IL1RAPL1: variants seen among roughly 807,000 people sequenced by gnomAD.
IL1RAPL1 encodes the protein interleukin 1 receptor accessory protein like 1, also known as interleukin-1 receptor accessory protein-like 1.
IL1RAPL1 carries 3 observed loss-of-function variants against 48.4 expected under a neutral mutation model. That is an observed-to-expected ratio of 0.06 (90% CI 0.03 to 0.16). IL1RAPL1 has a LOEUF of 0.16. IL1RAPL1 is among the 10% of genes least tolerant of loss of function. IL1RAPL1 has a pLI of 1.00. For synonymous variants in IL1RAPL1, 185 were observed against 187.7 expected, an observed-to-expected ratio of 0.99 and a Z score of 0.12; for missense variants, 349 against 530.6, an observed-to-expected ratio of 0.66 and a Z score of 3.36.
chrX:29,199,400 A>G (rs910783836), intron 2 of IL1RAPL1, among the ~76,000 whole-genome samples: 1 of 111,596 alleles, frequency 9.0e-6, no homozygotes, highest in African/African-American at 3.3e-5. Context: ...TTCAAAGTTA[A>G]TAAAAACTAT....
intron 3 of IL1RAPL1, among the ~76,000 whole-genome samples, chrX:29,333,153 G>A (rs1932907378): frequency 9.3e-6 from 1 of 108,042 alleles, no homozygotes; most frequent in African/African-American, 3.3e-5. Context: ...CATCCCCAAT[G>A]AGCCGCTGGG....
intron 5 of IL1RAPL1, among the ~76,000 whole-genome samples, chrX:29,597,278 C>T (rs1305844885): frequency 9.2e-6 from 1 of 108,589 alleles, no homozygotes; most frequent in Non-Finnish European, 1.9e-5. Context: ...CTCAGCCTCC[C>T]GAGTAGCTGG....
intron 6 of IL1RAPL1, among the ~76,000 whole-genome samples, chrX:29,901,377 G>A (rs1932493244): frequency 8.9e-6 from 1 of 111,829 alleles, no homozygotes; most frequent in Admixed American, 9.5e-5. Context: ...ATCAGCCAGG[G>A]TTTGGAGATG....
chrX:29,751,425 T>C (rs1040852300), intron 6 of IL1RAPL1, among the ~76,000 whole-genome samples: 1 of 112,066 alleles, frequency 8.9e-6, no homozygotes, highest in South Asian at 3.6e-4. Context: ...CTGAATATGG[T>C]AGTCATCCTT....
intron 6 of IL1RAPL1, among the ~76,000 whole-genome samples, chrX:29,720,519 C>T (rs1448857754): frequency 7.2e-5 from 8 of 110,992 alleles, no homozygotes; most frequent in African/African-American, 1.3e-4. Context: ...ACCCAAACAC[C>T]GCATGTTCTC....
At chrX:28,950,934 A>G (rs1372198300) in intron 2 of IL1RAPL1, among the ~76,000 whole-genome samples, 5 of 106,435 alleles carry the variant, frequency 4.7e-5, no homozygotes, top group Non-Finnish European at 9.7e-5. Flanking sequence ...ATGGAATACT[A>G]TGCAGCCATA....
chrX:29,056,609 G>A (rs745626218), intron 2 of IL1RAPL1, among the ~76,000 whole-genome samples: 7 of 111,754 alleles, frequency 6.3e-5, no homozygotes, highest in African/African-American at 2.3e-4. Flanking sequence ...TTCATTTTCA[G>A]ACATGAAGAA....
At chrX:29,069,969 A>G (rs1276320385) in intron 2 of IL1RAPL1, among the ~76,000 whole-genome samples, 2 of 111,512 alleles carry the variant, frequency 1.8e-5, no homozygotes, top group African/African-American at 3.3e-5. Flanking sequence ...TCACCCCATG[A>G]CCACCTGGTC....
intron 5 of IL1RAPL1, among the ~76,000 whole-genome samples, chrX:29,599,275 T>C (rs1477161792): frequency 1.8e-5 from 2 of 112,298 alleles, no homozygotes; most frequent in East Asian, 2.8e-4. Flanking sequence ...CCTTCATTTA[T>C]AAAGCTTAGT....
chrX:29,831,399 G>A (rs1003519784), intron 6 of IL1RAPL1, among the ~76,000 whole-genome samples: 7 of 111,606 alleles, frequency 6.3e-5, no homozygotes, highest in African/African-American at 2.3e-4. Flanking sequence ...GATGAGACAG[G>A]AATGGAATCC....
At chrX:29,922,165 G>C (rs1257045074) in intron 8 of IL1RAPL1, among the ~76,000 whole-genome samples, 1 of 111,096 alleles carries the variant, frequency 9.0e-6, no homozygotes, top group Non-Finnish European at 1.9e-5. Flanking sequence ...TTTTTACAGA[G>C]AGGCACACAG....
chrX:29,786,956 C>A (rs1569168373), intron 6 of IL1RAPL1, among the ~76,000 whole-genome samples: 1 of 111,274 alleles, frequency 9.0e-6, no homozygotes, highest in Non-Finnish European at 1.9e-5. Flanking sequence ...AGACTGTTTA[C>A]AAAGGTGCAG....
In IL1RAPL1 at chrX:28,690,427, CCTAA is replaced by C. The variant is rs1187477890; in HGVS notation, c.-24-98888_-24-98885del. On this transcript the variant is annotated intron_variant, in intron 1 of 10. Transcript: ENST00000378993. The stretch of plus-strand genomic sequence containing the variant: ...ATGTGGTTTATGTTTTTGAGGAGCT[CCTAA>C]CTAATAAATCCAGATTAGGACATTC... Among the ~76,000 whole-genome samples, 784 of 111,413 alleles carry C rather than the reference CCTAA, an allele frequency of 7.0e-3. 10 individuals carry two copies. Among genetic ancestry groups the C allele is most frequent in the African/African-American group, 0.024 (741 of 30,644 alleles).
At chrX:29,653,901 CTTATTTATTTATTTAT>C (rs535604223) in intron 5 of IL1RAPL1, among the ~76,000 whole-genome samples, 1 of 93,476 alleles carries the variant, frequency 1.1e-5, no homozygotes, top group Non-Finnish European at 2.1e-5. Flanking sequence ...AATTAGGGCT[CTTATTTATTTATTTAT>C]TTATTTATTT....
chrX:29,607,136 C>T (rs1347756901), intron 5 of IL1RAPL1, among the ~76,000 whole-genome samples: 3 of 111,306 alleles, frequency 2.7e-5, no homozygotes, highest in Non-Finnish European at 5.7e-5. Context: ...GATTCACTTT[C>T]GTAGTCGGGT....
chrX:29,088,672 C>CAAAAAAAAAA (rs1182451817), intron 2 of IL1RAPL1, among the ~76,000 whole-genome samples: 2 of 32,885 alleles, frequency 6.1e-5, no homozygotes, highest in Non-Finnish European at 5.6e-5. Context: ...CACTCCTTCT[C>CAAAAAAAAAA]AAAAAAAAAA....
chrX:29,492,867 G>T (rs375949502), intron 5 of IL1RAPL1, among the ~76,000 whole-genome samples: 1 of 111,552 alleles, frequency 9.0e-6, no homozygotes, highest in East Asian at 2.8e-4. Context: ...CAGTTGTGTG[G>T]GGATGCTGGA....
intron 5 of IL1RAPL1, among the ~76,000 whole-genome samples, chrX:29,655,523 C>T (rs1394423990): frequency 4.6e-5 from 5 of 109,289 alleles, no homozygotes; most frequent in Admixed American, 2.9e-4. Context: ...GTTATCCAGG[C>T]GTGGTGGTGG....
At chrX:29,360,354 G>T (rs1437515921) in intron 3 of IL1RAPL1, among the ~76,000 whole-genome samples, 1 of 111,513 alleles carries the variant, frequency 9.0e-6, no homozygotes, top group Non-Finnish European at 1.9e-5. Context: ...AGGACACATG[G>T]GTTTCCATGA....
Sources: gnomAD v4.1 joint callset for allele counts (sites outside exome capture counted in the v4.1 genomes callset) on GRCh38, gnomAD v4.1.1 for gene constraint, MANE v1.5 for transcripts, NCBI Gene and HGNC (gene_info 2026-07-23, HGNC 2026-07-21) for gene names.